Variants in GABRA2 observed in about 807,000 individuals in gnomAD.
GABRA2 encodes the protein gamma-aminobutyric acid type A receptor subunit alpha2.
In GABRA2, 16 loss-of-function variants were observed where a neutral mutation model predicts 48.7. The observed-to-expected ratio is 0.33, with a 90% CI of 0.22 to 0.50. The LOEUF is 0.50. Ranked by LOEUF, GABRA2 falls within the 20% of genes least tolerant of loss-of-function variation. GABRA2 has a pLI of 0.98. For synonymous variants in GABRA2, 185 were observed against 184.5 expected (o/e 1.00, Z -0.02); for missense variants, 275 against 535.6 (o/e 0.51, Z 4.80).
chr4:46,334,963 T>G (rs1262216634), intron 3 of GABRA2, among the ~76,000 whole-genome samples: 1 of 152,168 alleles, frequency 6.6e-6, no homozygotes, highest in Non-Finnish European at 1.5e-5. Flanking sequence ...TTGGTTTTTT[T>G]GGTCAGATTT....
At chr4:46,375,225 C>A (rs1247297429) in intron 3 of GABRA2, among the ~76,000 whole-genome samples, 1 of 152,046 alleles carries the variant, frequency 6.6e-6, no homozygotes, top group African/African-American at 2.4e-5. Context: ...TGTATTAAAT[C>A]ATTTAATATT....
At position 46,363,463 on chromosome 4, in the gene GABRA2, G is replaced by A. The variant is rs932776256; in HGVS notation, c.187+22611C>T. Among the ~76,000 whole-genome samples the A allele has an allele frequency of 4.6e-5, 7 of 152,020 alleles. No homozygotes were observed. In the South Asian group the frequency reaches 1.5e-3, roughly 32 times the overall value. On this transcript the variant is annotated intron_variant, in intron 3 of 9. Transcript: ENST00000381620. ...CCACATGGATTGAAAGAGAAAGAGA[G>A]GAGGACCTCAGAGAAGAAAGAGACA...
chr4:46,309,212 C>A (rs1023539735), intron 6 of GABRA2, among the ~76,000 whole-genome samples: 5 of 152,114 alleles, frequency 3.3e-5, no homozygotes, highest in African/African-American at 9.7e-5. Flanking sequence ...AAAGTATGAT[C>A]ATCAAAATAA....
chr4:46,339,686 A>T (rs1428265054), intron 3 of GABRA2, among the ~76,000 whole-genome samples: 3 of 151,908 alleles, frequency 2.0e-5, no homozygotes, highest in East Asian at 1.9e-4. Flanking sequence ...TCTCCAGGAC[A>T]TCGTAATCAC....
At chr4:46,291,776 C>CATATATATGTAT (rs1553906975) in intron 8 of GABRA2, among the ~76,000 whole-genome samples, 2 of 144,752 alleles carry the variant, frequency 1.4e-5, no homozygotes, top group African/African-American at 5.1e-5. Context: ...TAAACACACA[C>CATATATATGTAT]ATATATATAT....
At chr4:46,318,710 T>C (rs1442671724) in intron 4 of GABRA2, among the ~76,000 whole-genome samples, 2 of 151,522 alleles carry the variant, frequency 1.3e-5, no homozygotes, top group Non-Finnish European at 3.0e-5. Context: ...TAAAAGAAAT[T>C]AATAATAAAA....
Position 46,250,312 on chromosome 4 carries a change from G to A in GABRA2, c.1352C>T (p.Pro451Leu). 1 of 1,608,060 alleles carries A rather than the reference G, an allele frequency of 6.2e-7. No homozygotes were observed. Among genetic ancestry groups the A allele is most frequent in the Non-Finnish European group, 8.5e-7 (1 of 1,176,626 alleles). The change falls in exon 10 of 10, where the codon CCT becomes CTT. Residue 451 changes from proline to leucine, a missense_variant. This residue lies in a region of GABRA2 where 99 missense variants were observed against 124.3 expected (regional missense o/e 0.80). Transcript: ENST00000381620. The part of the protein sequence containing the change: ...LNREPVLGVS[P>L] The stretch of plus-strand genomic sequence containing the variant: ...AAAGATAACATGGGTCTCAATTCAA[G>A]GACTGACCCCTAATACAGGTTCTCT...
chr4:46,327,486 C>T (rs1365391190), intron 4 of GABRA2, among the ~76,000 whole-genome samples: 1 of 151,962 alleles, frequency 6.6e-6, no homozygotes, highest in Non-Finnish European at 1.5e-5. Context: ...TACATGCTGG[C>T]TTTAAAGGGA....
Position 46,312,736 on chromosome 4 carries a change from T to G in GABRA2, c.256-20A>C. On this transcript the variant is annotated intron_variant, in intron 4 of 9. Transcript: ENST00000381620. ...ATATTCCTGAAATAAAAAATAGAAT[T>G]TTTTTGAAAATAGTAAATGTTGTAG... is the stretch of plus-strand genomic sequence containing the variant. 1.5e-6 allele frequency: 2 copies of G among 1,327,120 alleles called. No individual in the cohort carries two copies. The highest frequency in any genetic ancestry group is 2.1e-6 in the Non-Finnish European group (2 of 970,012). 82.2% of individuals were successfully genotyped at this position (1,327,120 alleles called of 1,614,324 possible). A position where few individuals can be genotyped will look rare whatever the true frequency, so the allele number is the denominator to read the frequency against.
intron 3 of GABRA2, among the ~76,000 whole-genome samples, chr4:46,335,852 G>A (rs1450521251): frequency 6.6e-6 from 1 of 152,056 alleles, no homozygotes; most frequent in South Asian, 2.1e-4. Flanking sequence ...TTTCTCTTTG[G>A]TTAACTGCTC....
At position 46,337,821 on chromosome 4, in the gene GABRA2, G is replaced by C. The variant is rs146871533; in HGVS notation, c.188-5139C>G. On this transcript the variant is annotated intron_variant, in intron 3 of 9. Coordinates refer to ENST00000381620, the MANE Select transcript of GABRA2 (RefSeq NM_000807.4). ...AAAACTATAAAGACATAAAACAAAT[G>C]AAGAGGTTTGGAAAGTAAATGGAGG... Among the ~76,000 whole-genome samples the C allele has an allele frequency of 2.8e-3, 419 of 151,896 alleles. 5 individuals carry two copies. Among genetic ancestry groups the C allele is most frequent in the African/African-American group, 9.8e-3 (405 of 41,522 alleles).
chr4:46,347,907 A>G (rs1734413202), intron 3 of GABRA2, among the ~76,000 whole-genome samples: 1 of 151,978 alleles, frequency 6.6e-6, no homozygotes, highest in Admixed American at 6.6e-5. Context: ...ACAGGAAAAC[A>G]AATAATTCTG....
chr4:46,312,817 GC>G (rs1398506345), intron 4 of GABRA2, 101 bp from the exon 5 acceptor site: 2 of 635,330 alleles, frequency 3.1e-6, no homozygotes, highest in Non-Finnish European at 5.2e-6. Context: ...AACAGAGAGA[GC>G]TATATTGAAA....
chr4:46,294,255 A>G (rs1724220355), intron 8 of GABRA2, among the ~76,000 whole-genome samples: 1 of 152,254 alleles, frequency 6.6e-6, no homozygotes, highest in African/African-American at 2.4e-5. Flanking sequence ...AGTAGCAAAT[A>G]CACTGAACTT....
intron 8 of GABRA2, among the ~76,000 whole-genome samples, chr4:46,276,776 GA>G (rs1191862160): frequency 6.6e-6 from 1 of 152,020 alleles, no homozygotes; most frequent in Non-Finnish European, 1.5e-5. Context: ...GGAAAATGGG[GA>G]TAATGTCACT....
chr4:46,267,664 C>T (rs1718519526), intron 8 of GABRA2, among the ~76,000 whole-genome samples: 1 of 151,932 alleles, frequency 6.6e-6, no homozygotes, highest in Non-Finnish European at 1.5e-5. Context: ...TTAACTAATT[C>T]TATGAAGTCT....
At chr4:46,353,930 G>A (rs1735560001) in intron 3 of GABRA2, among the ~76,000 whole-genome samples, 2 of 151,926 alleles carry the variant, frequency 1.3e-5, no homozygotes, top group South Asian at 4.1e-4. Flanking sequence ...ATTCACAGGG[G>A]CAGGAATCTC....
At chr4:46,298,454 G>A (rs918888685) in intron 8 of GABRA2, among the ~76,000 whole-genome samples, 1 of 151,958 alleles carries the variant, frequency 6.6e-6, no homozygotes, top group East Asian at 1.9e-4. Context: ...CACAATAGTG[G>A]AAATGCATTT....
chr4:46,377,056 G>T (rs1411799375), intron 3 of GABRA2, among the ~76,000 whole-genome samples: 1 of 152,122 alleles, frequency 6.6e-6, no homozygotes, highest in Non-Finnish European at 1.5e-5. Flanking sequence ...GCCCAGGCTG[G>T]AGTGCAGTGG....
Sources: gnomAD v4.1 joint callset for allele counts (sites outside exome capture counted in the v4.1 genomes callset) on GRCh38, gnomAD v4.1.1 for gene constraint, gnomAD v4.1.1 regional missense constraint, MANE v1.5 for transcripts, NCBI Gene and HGNC (gene_info 2026-07-23, HGNC 2026-07-21) for gene names.